Variants in POLR2F observed in about 807,000 individuals in gnomAD.
The protein encoded by POLR2F is RNA polymerase II, I and III subunit F.
In POLR2F, 12 loss-of-function variants were observed where a neutral mutation model predicts 22.7. The ratio of observed to expected loss-of-function variants is 0.53; its 90% CI spans 0.34 to 0.86. The LOEUF (loss-of-function observed/expected upper bound fraction) is 0.86. Ranked by LOEUF, POLR2F falls within the 40% of genes least tolerant of loss-of-function variation. The pLI is 0.02. For synonymous variants in POLR2F, 57 were observed against 66.0 expected (o/e 0.86, Z 0.66); for missense variants, 126 against 171.5 (o/e 0.73, Z 1.48).
intron 5 of POLR2F, among the ~76,000 whole-genome samples, chr22:38,035,887 G>A (rs570292919): frequency 6.6e-6 from 1 of 152,266 alleles, no homozygotes; most frequent in East Asian, 1.9e-4. Flanking sequence ...AAAGCTCCAG[G>A]GTGGGTGTGG....
chr22:38,041,256 CAG>C (rs1555948824), downstream of POLR2F: 15 of 1,233,260 alleles, frequency 1.2e-5, no homozygotes, highest in Non-Finnish European at 1.7e-5. Flanking sequence ...GGGGCAGGCA[CAG>C]GGGGAGGGAG....
chr22:38,016,815 T>TAG lies in POLR2F; in HGVS notation c.121-9040_121-9039dup, dbSNP rs1330246789. On this transcript the variant is annotated intron_variant, in intron 1 of 2. Coordinates refer to the POLR2F transcript ENST00000333418. This position sits in a 1 kb window ranked among gnomAD's most constrained non-coding sequence, Gnocchi z 4.4. ...TTTCTACTGTAATGACATGTTGGAA[T>TAG]AGAGAGAGAGAGAGAAGGAAAAAAA... Among the ~76,000 whole-genome samples, 5 of 142,660 alleles carry TAG rather than the reference T, an allele frequency of 3.5e-5. No homozygotes were observed. The highest frequency in any genetic ancestry group is 7.6e-5 in the Non-Finnish European group (5 of 65,386). The allele number at this position is 142,660 out of a possible 152,430, so 93.6% of individuals were successfully genotyped here.
chr22:37,995,825 C>T (rs1352205304), intron 1 of POLR2F, among the ~76,000 whole-genome samples: 4 of 148,712 alleles, frequency 2.7e-5, no homozygotes, highest in African/African-American at 1.0e-4. Context: ...AACCCCATCT[C>T]TACTAAAAAT....
At chr22:37,994,307 C>T (rs866279423) in intron 1 of POLR2F, among the ~76,000 whole-genome samples, 5 of 152,166 alleles carry the variant, frequency 3.3e-5, no homozygotes, top group Non-Finnish European at 5.9e-5. Flanking sequence ...CACCCCAGCT[C>T]ACCTTCAGCT....
rs1226904358 is a variant in POLR2F, at chr22:37,997,524, C to T, written c.120+11212C>T. ...TCTGTCTCTGTCCTGTGCCACCTCTCATCTGCCCTGCCTCTGTAAATGTGG... is the reference window on the plus strand; with the variant it reads ...TCTGTCTCTGTCCTGTGCCACCTCTTATCTGCCCTGCCTCTGTAAATGTGG... On this transcript the variant is annotated intron_variant, in intron 1 of 2. Transcript: ENST00000333418. This position sits in a 1 kb window ranked among gnomAD's most constrained non-coding sequence, Gnocchi z 4.4. Among the ~76,000 whole-genome samples the T allele has an allele frequency of 6.6e-6, 1 of 152,144 alleles. No individual in the cohort carries two copies. Among genetic ancestry groups the T allele is most frequent in the Non-Finnish European group, 1.5e-5 (1 of 68,028 alleles).
At chr22:38,035,013 A>C (rs190434282) in intron 5 of POLR2F, among the ~76,000 whole-genome samples, 160 of 141,582 alleles carry the variant, frequency 1.1e-3, no homozygotes, top group African/African-American at 4.1e-3. Context: ...TGGTCCTTCC[A>C]CCTAAGCTCT....
intron 3 of POLR2F, among the ~76,000 whole-genome samples, chr22:37,966,548 G>A (rs553013090): frequency 2.0e-5 from 3 of 152,216 alleles, no homozygotes; most frequent in South Asian, 2.1e-4. Flanking sequence ...TGAGGCAGGC[G>A]GATTGCTTGA....
downstream of POLR2F, chr22:37,971,413 T>G: frequency 2.4e-6 from 1 of 415,614 alleles, no homozygotes. Context: ...GAGCTGGGTA[T>G]GAGGAAGAAC....
At chr22:37,971,218 C>G (rs1008500792), downstream of POLR2F, 12 of 470,542 alleles carry the variant, frequency 2.6e-5, 1 homozygote, top group Admixed American at 1.2e-4. Flanking sequence ...GTTAAAAATG[C>G]AAGCCTTGGA....
chr22:37,970,512 C>T (rs1048863782), downstream of POLR2F, among the ~76,000 whole-genome samples: 1 of 142,654 alleles, frequency 7.0e-6, no homozygotes, highest in Non-Finnish European at 1.5e-5. Context: ...GAGGCTGAGG[C>T]AGGGGAAGCA....
chr22:38,036,907 C>T (rs1222142618), intron 5 of POLR2F, among the ~76,000 whole-genome samples: 2 of 152,150 alleles, frequency 1.3e-5, no homozygotes, highest in African/African-American at 2.4e-5. Context: ...CATTCTTTCC[C>T]CAGACATCCT....
chr22:38,037,248 C>CTTATGTTATGTTATG (rs147610006), intron 5 of POLR2F, among the ~76,000 whole-genome samples: 2,936 of 149,480 alleles, frequency 0.02, 90 homozygotes, highest in African/African-American at 0.068. Flanking sequence ...AATGAGCAAC[C>CTTATGTTATGTTATG]TTATGTTATG....
intron 1 of POLR2F, among the ~76,000 whole-genome samples, chr22:38,025,333 G>A (rs143408655): frequency 6.6e-6 from 1 of 152,000 alleles, no homozygotes; most frequent in African/African-American, 2.4e-5. Context: ...GTACACACAT[G>A]CAATTATACA....
In POLR2F at chr22:37,981,010, C is replaced by T. The variant is rs1932379606; in HGVS notation, c.293+13840C>T. ...GATCAGCCAACCCACAGGCACCACC[C>T]TGTGATCAGCCTCAACTAGCCCCTC... On this transcript the variant is annotated intron_variant, in intron 4 of 4. Transcript: ENST00000405557. Among the ~76,000 whole-genome samples, 3 of 152,340 alleles carry T rather than the reference C, an allele frequency of 2.0e-5. No homozygotes were observed. In the South Asian group the frequency reaches 6.2e-4, roughly 32 times the overall value.
intron 1 of POLR2F, among the ~76,000 whole-genome samples, chr22:38,003,919 G>A (rs1047445495): frequency 1.3e-5 from 2 of 152,134 alleles, no homozygotes; most frequent in Non-Finnish European, 2.9e-5. Context: ...AAGCATTGTG[G>A]CAGCTGCGTG....
chr22:37,975,383 C>CT (rs1351182841), intron 4 of POLR2F, among the ~76,000 whole-genome samples: 1 of 152,134 alleles, frequency 6.6e-6, no homozygotes, highest in East Asian at 1.9e-4. Flanking sequence ...GGAAGGATGT[C>CT]TGAGTGGGGT....
intron 1 of POLR2F, among the ~76,000 whole-genome samples, chr22:38,014,804 GTAT>G (rs2084902335): frequency 9.2e-6 from 1 of 108,538 alleles, no homozygotes. Context: ...TTGTATTTTT[GTAT>G]TTTTTTTTTT....
Position 37,981,142 on chromosome 22 carries a change from G to A in POLR2F, c.293+13972G>A, listed in dbSNP as rs561998953. On this transcript the variant is annotated intron_variant, in intron 4 of 4. Coordinates refer to the POLR2F transcript ENST00000405557. ...ACACTCCCTTGGGGCACTCCACACAGTCTGTGTGTATCTTTCTCTTTTTGG... is the reference window on the plus strand; with the variant it reads ...ACACTCCCTTGGGGCACTCCACACAATCTGTGTGTATCTTTCTCTTTTTGG... 5.9e-5 allele frequency among the ~76,000 whole-genome samples: 9 copies of A among 152,326 alleles called. No homozygotes were observed. In the South Asian group the frequency reaches 1.2e-3, roughly 21 times the overall value.
chr22:38,026,583 G>T (rs999254457), exon 3 of POLR2F: 3 of 301,542 alleles, frequency 9.9e-6, no homozygotes, highest in African/African-American at 6.6e-5. Flanking sequence ...CCCCAAAGCC[G>T]CCCCCTCCCC....
Sources: gnomAD v4.1 joint callset for allele counts (sites outside exome capture counted in the v4.1 genomes callset) on GRCh38, gnomAD v4.1.1 for gene constraint, Gnocchi (gnomAD v3.1) non-coding constraint, MANE v1.5 for transcripts, NCBI Gene and HGNC (gene_info 2026-07-23, HGNC 2026-07-21) for gene names.